Variants in PARPBP observed in about 807,000 individuals in gnomAD.
PARPBP encodes PARP1 binding protein, also known as PCNA-interacting partner.
Under a neutral mutation model 50.0 loss-of-function variants are expected in PARPBP, and 52 were observed. That is an observed-to-expected ratio of 1.04 (90% confidence interval 0.83 to 1.31). PARPBP has a LOEUF of 1.31. Among genes scored for constraint, PARPBP ranks in the 50% most tolerant of loss-of-function variants. PARPBP has a pLI of 0.00. For synonymous variants in PARPBP, 244 were observed against 232.1 expected (o/e 1.05, Z -0.47); for missense variants, 697 against 672.0 (o/e 1.04, Z -0.41).
At chr12:102,143,756 A>C (rs945858955) in intron 2 of PARPBP, among the ~76,000 whole-genome samples, 2 of 152,124 alleles carry the variant, frequency 1.3e-5, no homozygotes, top group Non-Finnish European at 2.9e-5. Context: ...CATCTGACTG[A>C]CAATCGTGTT....
At chr12:102,134,150 A>G (rs1883270755) in intron 2 of PARPBP, among the ~76,000 whole-genome samples, 1 of 151,818 alleles carries the variant, frequency 6.6e-6, no homozygotes, top group Non-Finnish European at 1.5e-5. Flanking sequence ...AAACAATAGC[A>G]AAGATCAATG....
chr12:102,124,846 C>G (rs560122069), intron 2 of PARPBP, among the ~76,000 whole-genome samples: 36 of 152,176 alleles, frequency 2.4e-4, no homozygotes, highest in African/African-American at 8.4e-4. Context: ...ATTCCATAGA[C>G]AGTAAAATTT....
chr12:102,188,534 T>C (rs947931305), intron 9 of PARPBP, among the ~76,000 whole-genome samples: 2 of 152,122 alleles, frequency 1.3e-5, no homozygotes, highest in African/African-American at 4.8e-5. Context: ...AGTCTTTCAC[T>C]GTGTCTGCCT....
intron 6 of PARPBP, among the ~76,000 whole-genome samples, chr12:102,168,400 G>T (rs1196305480): frequency 6.6e-6 from 1 of 152,118 alleles, no homozygotes; most frequent in Non-Finnish European, 1.5e-5. Context: ...GTATCTTCTA[G>T]AGAAGGTCTT....
At chr12:102,150,861 A>G (rs189346572) in intron 3 of PARPBP, among the ~76,000 whole-genome samples, 35 of 152,320 alleles carry the variant, frequency 2.3e-4, no homozygotes, top group African/African-American at 7.9e-4. Context: ...AAGTAGCTGA[A>G]TAGATGGGCT....
intron 9 of PARPBP, among the ~76,000 whole-genome samples, chr12:102,185,607 G>T (rs1890231581): frequency 6.6e-6 from 1 of 152,096 alleles, no homozygotes; most frequent in Non-Finnish European, 1.5e-5. Context: ...TTAAATGTTT[G>T]CTAAAATTCA....
At chr12:102,122,271 C>A (rs1001326948) in intron 1 of PARPBP, among the ~76,000 whole-genome samples, 1 of 152,088 alleles carries the variant, frequency 6.6e-6, no homozygotes, top group African/African-American at 2.4e-5. Context: ...AAATACAATT[C>A]TTAGCTATTT....
At chr12:102,141,204 T>C (rs950702418) in intron 2 of PARPBP, among the ~76,000 whole-genome samples, 3 of 152,372 alleles carry the variant, frequency 2.0e-5, no homozygotes, top group African/African-American at 7.2e-5. Context: ...TAGTTAGCTC[T>C]TCTTGTTGAA....
chr12:102,187,856 A>G (rs1371387616), intron 9 of PARPBP, among the ~76,000 whole-genome samples: 3 of 152,326 alleles, frequency 2.0e-5, no homozygotes, highest in Non-Finnish European at 4.4e-5. Context: ...TAAAAGGCAG[A>G]TAAGTTGGGG....
rs1594532655 is a variant in PARPBP at position 102,153,943 on chromosome 12, A to G, written c.462A>G (p.Ser154=). Residue 154 remains serine, a synonymous_variant, in exon 4 of 11, where the codon TCA becomes TCG. Coordinates refer to ENST00000327680, the MANE Select transcript of PARPBP (RefSeq NM_017915.5). ...AAACTGATCTTTCTATACCAACATC[A>G]CCAACAAGTAAATACAACCGTGATA... is the stretch of plus-strand genomic sequence containing the variant. ...GDETDLSIPT[S]PTSKYNRDNE... is the part of the protein sequence containing the mutation. The G allele has an allele frequency of 6.2e-7, 1 of 1,604,986 alleles. No individual in the cohort carries two copies. The highest frequency in any genetic ancestry group is 8.5e-7 in the Non-Finnish European group (1 of 1,171,870).
intron 9 of PARPBP, among the ~76,000 whole-genome samples, chr12:102,187,447 C>G (rs1890396583): frequency 6.6e-6 from 1 of 152,042 alleles, no homozygotes; most frequent in Non-Finnish European, 1.5e-5. Flanking sequence ...GATTTACACA[C>G]TGAGAGAAAT....
rs778128874 is a variant in PARPBP, at chr12:102,164,653, G to A, written c.666+45G>A. 6 of 1,490,282 alleles carry A rather than the reference G, an allele frequency of 4.0e-6. No individual in the cohort carries two copies. The Admixed American group carries it at 8.4e-5, about 21-fold the overall frequency. The allele number at this position is 1,490,282 out of a possible 1,614,324, so 92.3% of individuals were successfully genotyped here. A position where few individuals can be genotyped will look rare whatever the true frequency, so the allele number is the denominator to read the frequency against. On this transcript the variant is annotated intron_variant, in intron 5 of 10. Coordinates refer to ENST00000327680, the MANE Select transcript of PARPBP (RefSeq NM_017915.5). ...TCAAAATTAAGACTCCTTGCACAGT[G>A]GATCCATGTATCCTAATATGCTTGT...
At chr12:102,129,213 C>T (rs1882476938) in intron 2 of PARPBP, among the ~76,000 whole-genome samples, 1 of 152,108 alleles carries the variant, frequency 6.6e-6, no homozygotes, top group Non-Finnish European at 1.5e-5. Flanking sequence ...TACTTGGACT[C>T]CTAGGCTCAA....
intron 3 of PARPBP, chr12:102,150,276 T>C: frequency 2.2e-6 from 1 of 455,128 alleles, no homozygotes; most frequent in South Asian, 1.6e-5. Flanking sequence ...AAATTTCCAG[T>C]GCGGGGAAAA....
intron 6 of PARPBP, among the ~76,000 whole-genome samples, 155 bp downstream of exon 6, chr12:102,166,038 C>T (rs558832887): frequency 6.6e-6 from 1 of 152,244 alleles, no homozygotes; most frequent in South Asian, 2.1e-4. Context: ...AATCACATGA[C>T]CTTACCTCCT....
intron 2 of PARPBP, among the ~76,000 whole-genome samples, chr12:102,141,592 A>G (rs1385638896): frequency 1.6e-4 from 24 of 152,118 alleles, no homozygotes; most frequent in Non-Finnish European, 1.5e-5. Flanking sequence ...GATGGTCTTT[A>G]AAATTTGGCA....
chr12:102,186,885 G>A (rs1437292370), intron 9 of PARPBP, among the ~76,000 whole-genome samples: 2 of 151,914 alleles, frequency 1.3e-5, no homozygotes, highest in Non-Finnish European at 1.5e-5. Context: ...TCAGGACTTG[G>A]TATAAAAAAC....
At chr12:102,178,497 A>G in intron 7 of PARPBP, 95 bp from the exon 8 acceptor site, 1 of 653,610 alleles carries the variant, frequency 1.5e-6, no homozygotes, top group Non-Finnish European at 2.4e-6. Flanking sequence ...TTAACAATAG[A>G]TGAAAGAGGC....
At chr12:102,160,794 C>A (rs1415010801) in intron 4 of PARPBP, among the ~76,000 whole-genome samples, 2 of 151,806 alleles carry the variant, frequency 1.3e-5, no homozygotes, top group Non-Finnish European at 2.9e-5. Context: ...ACTAAAAATA[C>A]AAAATTAGCC....
Sources: gnomAD v4.1 joint callset for allele counts (sites outside exome capture counted in the v4.1 genomes callset) on GRCh38, gnomAD v4.1.1 for gene constraint, MANE v1.5 for transcripts, NCBI Gene and HGNC (gene_info 2026-07-23, HGNC 2026-07-21) for gene names.